RECQL5: variants seen among roughly 807,000 people sequenced by gnomAD.
RECQL5 encodes the protein ATP-dependent DNA helicase Q5.
RECQL5 carries 88 observed loss-of-function variants against 103.4 expected under a neutral mutation model. The ratio of observed to expected loss-of-function variants is 0.85; its 90% CI spans 0.72 to 1.02. RECQL5 has a LOEUF of 1.02. Among genes scored for constraint, RECQL5 ranks in the 50% least tolerant of loss-of-function variants. The pLI is 0.00. For missense variants in RECQL5, 1,232 were observed against 1,284.3 expected (o/e 0.96, Z 0.62); for synonymous variants, 552 against 507.9 (o/e 1.09, Z -1.17).
At chr17:75,655,082 C>T (rs1396493546) in intron 7 of RECQL5, among the ~76,000 whole-genome samples, 2 of 152,212 alleles carry the variant, frequency 1.3e-5, no homozygotes, top group African/African-American at 4.8e-5. Flanking sequence ...TGAGCCACCT[C>T]ACCCAGCCTA....
chr17:75,661,932 G>T (rs750000843), intron 4 of RECQL5, among the ~76,000 whole-genome samples: 17 of 152,320 alleles, frequency 1.1e-4, no homozygotes, highest in East Asian at 7.7e-4. Flanking sequence ...AGGCCAAGGT[G>T]GGGGGAATCA....
chr17:75,627,303 A>G lies in RECQL5; in HGVS notation c.*119T>C. 1.2e-6 allele frequency: 1 copy of G among 815,214 alleles called. No homozygotes were observed. The highest frequency in any genetic ancestry group is 1.5e-5 in the South Asian group (1 of 68,554). The allele number at this position is 815,214 out of a possible 1,614,324, so 50.5% of individuals were successfully genotyped here. A position where few individuals can be genotyped will look rare whatever the true frequency, so the allele number is the denominator to read the frequency against. Reference sequence around the variant, plus strand: ...TCTGGGGTCATCCCCAAAGCCAAGTATGGTTGGAAAGGAGAAGGACTGAGA... The same window carrying G: ...TCTGGGGTCATCCCCAAAGCCAAGTGTGGTTGGAAAGGAGAAGGACTGAGA... On this transcript the variant is annotated 3_prime_UTR_variant, in exon 20 of 20. Coordinates refer to ENST00000317905, the MANE Select transcript of RECQL5 (RefSeq NM_004259.7).
chr17:75,656,466 GT>G (rs987865961), intron 7 of RECQL5, among the ~76,000 whole-genome samples: 133 of 148,974 alleles, frequency 8.9e-4, no homozygotes, highest in African/African-American at 2.3e-3. Flanking sequence ...TGTAAATTAA[GT>G]TTTTTTTTTG....
chr17:75,628,853 T>C (rs764145063), intron 16 of RECQL5, 81 bp downstream of exon 16: 2 of 1,588,978 alleles, frequency 1.3e-6, no homozygotes, highest in Non-Finnish European at 1.7e-6. Context: ...AGGGGTGAGC[T>C]CTGAGCTTCA....
rs758615047 is a variant in RECQL5 at position 75,631,290 on chromosome 17, T to C, written c.1449-41A>G. On this transcript the variant is annotated intron_variant, in intron 9 of 19. Coordinates refer to ENST00000317905, the MANE Select transcript of RECQL5 (RefSeq NM_004259.7). ...GCGTGAGTGGCCCTGGCCTGGGCTC[T>C]GCCCTCCCCATGTGTGCTGCTGCTA... is the stretch of plus-strand genomic sequence containing the variant. The C allele has an allele frequency of 2.5e-6, 4 of 1,592,994 alleles. No homozygotes were observed. In the East Asian group the frequency reaches 8.9e-5, roughly 36 times the overall value.
In RECQL5 at chr17:75,633,416, C is replaced by A. The variant is rs952551164; in HGVS notation, c.1230-1748G>T. On this transcript the variant is annotated intron_variant, in intron 8 of 19. Transcript: ENST00000317905. Reference sequence around the variant, plus strand: ...GGACTCTGGAGCCCTGCCCTGACAGCTGGGCCAGGAGTGCGGTCACAGCCC... The same window carrying A: ...GGACTCTGGAGCCCTGCCCTGACAGATGGGCCAGGAGTGCGGTCACAGCCC... 17 of 1,285,712 alleles carry A rather than the reference C, an allele frequency of 1.3e-5. No individual in the cohort carries two copies. The Admixed American group carries it at 4.0e-4, about 30-fold the overall frequency. The allele number at this position is 1,285,712 out of a possible 1,614,324, so 79.6% of individuals were successfully genotyped here. A position where few individuals can be genotyped will look rare whatever the true frequency, so the allele number is the denominator to read the frequency against.
Position 75,662,696 on chromosome 17 carries a change from T to A in RECQL5, c.554A>T (p.His185Leu). Residue 185 changes from histidine to leucine, a missense_variant, in exon 4 of 20, where the codon CAT becomes CTT. His to Leu is a moderately conservative substitution (Grantham distance 99). Coordinates refer to ENST00000317905, the MANE Select transcript of RECQL5 (RefSeq NM_004259.7). ...GGCGGTCAGAGCCACACAAGGGGCA[T>A]GTCCCAGGCGGGAGCGCAGGGCACC... ...RLGALRSRLG[H>L]APCVALTATA... The A allele has an allele frequency of 2.5e-6, 4 of 1,614,104 alleles. No homozygotes were observed. Among genetic ancestry groups the A allele is most frequent in the Non-Finnish European group, 3.4e-6 (4 of 1,180,030 alleles).
At chr17:75,663,539 T>C (rs1313213649) in intron 3 of RECQL5, among the ~76,000 whole-genome samples, 1 of 152,102 alleles carries the variant, frequency 6.6e-6, no homozygotes, top group African/African-American at 2.4e-5. Flanking sequence ...TTTTGGAGCA[T>C]TTCAGATTTC....
chr17:75,656,961 G>A (rs538831596), intron 7 of RECQL5, among the ~76,000 whole-genome samples: 194 of 152,164 alleles, frequency 1.3e-3, no homozygotes, highest in African/African-American at 4.2e-3. Context: ...AGTCAGGATC[G>A]TCTTGATCTC....
chr17:75,651,907 A>G (rs1185859021), intron 7 of RECQL5, among the ~76,000 whole-genome samples: 2 of 152,194 alleles, frequency 1.3e-5, no homozygotes, highest in Non-Finnish European at 2.9e-5. Context: ...AGATATATTA[A>G]AAGGTTAAGT....
At position 75,657,039 on chromosome 17, in the gene RECQL5, C is replaced by T. The variant is rs543186347; in HGVS notation, c.1149+1259G>A. Among the ~76,000 whole-genome samples, 24 of 152,256 alleles carry T rather than the reference C, an allele frequency of 1.6e-4. No homozygotes were observed. In the East Asian group the frequency reaches 4.1e-3, roughly 26 times the overall value. ...GATTACAGGCGTAAGCCATCGCGCC[C>T]GGCCCCTTTATTGTCATTTTGGCAG... is the stretch of plus-strand genomic sequence containing the variant. On this transcript the variant is annotated intron_variant, in intron 7 of 19. Transcript: ENST00000317905.
chr17:75,631,764 C>T (rs1407894109), intron 8 of RECQL5, 96 bp from the exon 9 acceptor site: 11 of 1,292,944 alleles, frequency 8.5e-6, no homozygotes, highest in South Asian at 2.7e-5. Flanking sequence ...CGAGCACTGC[C>T]GCGTCCGGCA....
rs1440243539 is a variant in RECQL5 at position 75,665,060 on chromosome 17, A to G, written c.243T>C (p.Ala81=). The G allele has an allele frequency of 6.3e-7, 1 of 1,597,410 alleles. No individual in the cohort carries two copies. Among genetic ancestry groups the G allele is most frequent in the Admixed American group, 1.8e-5 (1 of 56,438 alleles). Residue 81 remains alanine (A), a synonymous_variant, in exon 3 of 20, where the codon GCT becomes GCC. Transcript: ENST00000317905. The stretch of plus-strand genomic sequence containing the variant: ...TTGCCCTAAGCCTCACCTGAATCAA[A>G]GCAATGAGAGGAGAGACTACAATGG... ...GITIVVSPLI[A]LIQDQVDHLL... is the part of the protein sequence containing the mutation.
chr17:75,644,174 G>A (rs1421766634), intron 8 of RECQL5, among the ~76,000 whole-genome samples: 6 of 152,120 alleles, frequency 3.9e-5, no homozygotes, highest in African/African-American at 9.6e-5. Flanking sequence ...GTGTGGTGGC[G>A]CACGCCTGTA....
chr17:75,633,393 A>C, intron 8 of RECQL5: 1 of 1,262,036 alleles, frequency 7.9e-7, no homozygotes, highest in East Asian at 5.6e-5. Flanking sequence ...CGGCCCCTGG[A>C]CTCTGGAGCC....
intron 3 of RECQL5, 78 bp from the exon 4 acceptor site, chr17:75,663,075 A>C (rs1033942558): frequency 3.3e-5 from 46 of 1,408,866 alleles, no homozygotes; most frequent in Non-Finnish European, 4.1e-5. Context: ...AGGATTTCCC[A>C]GTCATAAACT....
chr17:75,666,901 C>A (rs2059793826), intron 1 of RECQL5, 143 bp downstream of exon 1: 3 of 276,000 alleles, frequency 1.1e-5, no homozygotes, highest in African/African-American at 2.3e-5. Flanking sequence ...GATCCACCAC[C>A]TGCTCCTACT....
At chr17:75,630,057 G>A (rs1036082748) in intron 14 of RECQL5, 127 bp downstream of exon 14, 12 of 880,584 alleles carry the variant, frequency 1.4e-5, no homozygotes, top group African/African-American at 3.4e-5. Flanking sequence ...CCCATAAACT[G>A]TCTCTGGGGT....
intron 1 of RECQL5, chr17:75,666,786 T>G: frequency 1.8e-6 from 1 of 541,726 alleles, no homozygotes; most frequent in Non-Finnish European, 3.3e-6. Flanking sequence ...ATGAAAACAT[T>G]GAACTATTCC....
Sources: gnomAD v4.1 joint callset for allele counts (sites outside exome capture counted in the v4.1 genomes callset) on GRCh38, gnomAD v4.1.1 for gene constraint, MANE v1.5 for transcripts, NCBI Gene and HGNC (gene_info 2026-07-23, HGNC 2026-07-21) for gene names.